Variants in VPS8 observed in about 807,000 individuals in gnomAD.
The protein encoded by VPS8 is vacuolar protein sorting-associated protein 8 homolog.
A neutral mutation model predicts 216.4 loss-of-function variants in VPS8; 129 were observed. The observed-to-expected ratio is 0.60, with a 90% CI of 0.52 to 0.69. The LOEUF (loss-of-function observed/expected upper bound fraction) is 0.69. Ranked by LOEUF, VPS8 falls within the 30% of genes least tolerant of loss-of-function variation. The probability of loss-of-function intolerance (pLI) is 0.00; values close to 1 mark genes in which losing one functional copy is unlikely to be tolerated. For missense variants in VPS8, 1,531 were observed against 1,683.5 expected (o/e 0.91, Z 1.59); for synonymous variants, 571 against 565.4 (o/e 1.01, Z -0.14).
At chr3:184,959,214 A>G (rs1746097216) in intron 37 of VPS8, among the ~76,000 whole-genome samples, 1 of 152,138 alleles carries the variant, frequency 6.6e-6, no homozygotes, top group Non-Finnish European at 1.5e-5. Flanking sequence ...CATCTTGACA[A>G]GGTACCAGGC....
chr3:184,873,965 C>G (rs1289375287), intron 21 of VPS8, among the ~76,000 whole-genome samples: 1 of 152,140 alleles, frequency 6.6e-6, no homozygotes, highest in African/African-American at 2.4e-5. Flanking sequence ...ACGTGACCTT[C>G]AGTGCATTAG....
At position 184,927,398 on chromosome 3, in the gene VPS8, G is replaced by A. The variant is rs76848920; in HGVS notation, c.2631+748G>A. Among the ~76,000 whole-genome samples the A allele has an allele frequency of 1.5e-3, 228 of 152,170 alleles. 8 individuals are homozygous for A. The East Asian group carries it at 0.041, about 27-fold the overall frequency. On this transcript the variant is annotated intron_variant, in intron 31 of 47. Transcript: ENST00000625842. ...GATAGCAACAGTGACCCCTTTATCC[G>A]CACAGCTATGGCCCAGTGACTGCTG...
chr3:184,822,569 A>G (rs1010760981), intron 1 of VPS8, among the ~76,000 whole-genome samples: 2 of 152,236 alleles, frequency 1.3e-5, no homozygotes, highest in African/African-American at 4.8e-5. Context: ...GGTCTTTCCC[A>G]CTATTTTTGA....
intron 24 of VPS8, among the ~76,000 whole-genome samples, chr3:184,900,197 A>G (rs890715500): frequency 1.3e-5 from 2 of 152,212 alleles, no homozygotes; most frequent in Admixed American, 1.3e-4. Context: ...AGGTACAGGG[A>G]AAGGATTGAA....
chr3:184,990,290 C>T (rs1751714524), intron 42 of VPS8, among the ~76,000 whole-genome samples: 1 of 152,090 alleles, frequency 6.6e-6, no homozygotes, highest in Admixed American at 6.5e-5. Context: ...CTCACTGCAG[C>T]CCCAATCACA....
intron 14 of VPS8, among the ~76,000 whole-genome samples, chr3:184,856,493 C>T (rs576275664): frequency 1.3e-5 from 2 of 152,312 alleles, no homozygotes; most frequent in South Asian, 2.1e-4. Flanking sequence ...TAATCTCTTG[C>T]GTTTCCTAGC....
intron 3 of VPS8, among the ~76,000 whole-genome samples, chr3:184,827,714 A>G (rs1002067898): frequency 2.6e-5 from 4 of 152,240 alleles, no homozygotes; most frequent in Non-Finnish European, 4.4e-5. Flanking sequence ...TGTGAGTAAC[A>G]GTAAGTATAG....
chr3:184,931,001 A>G (rs1229302820), intron 34 of VPS8, among the ~76,000 whole-genome samples: 2 of 152,142 alleles, frequency 1.3e-5, no homozygotes, highest in Non-Finnish European at 2.9e-5. Context: ...GTGGTCAGCT[A>G]ATTCACTGAT....
rs1174029707 is a variant in VPS8, at chr3:184,983,113, A to G, written c.3585+19A>G. ...CTTACAGGTGAGTTAAAAGGGGTGA[A>G]TATTAAATATTGATTTCAACTAACA... On this transcript the variant is annotated intron_variant, in intron 42 of 47. Transcript: ENST00000625842. 5 of 1,555,522 alleles carry G rather than the reference A, an allele frequency of 3.2e-6. No individual in the cohort carries two copies. In the South Asian group the frequency reaches 4.9e-5, roughly 15 times the overall value.
At chr3:185,036,739 T>C (rs1419110886) in intron 46 of VPS8, among the ~76,000 whole-genome samples, 1 of 151,952 alleles carries the variant, frequency 6.6e-6, no homozygotes, top group Non-Finnish European at 1.5e-5. Flanking sequence ...CCACAAAATA[T>C]ATTTAGTACC....
intron 42 of VPS8, 86 bp downstream of exon 42, chr3:184,983,180 A>C (rs762348374): frequency 2.2e-5 from 27 of 1,200,290 alleles, no homozygotes; most frequent in Non-Finnish European, 3.0e-5. Flanking sequence ...GCTAATATTT[A>C]AATGGATCTC....
rs755074495 is a variant in VPS8 at position 184,849,299 on chromosome 3, A to G, written c.666+104A>G. 1.1e-5 allele frequency: 15 copies of G among 1,342,766 alleles called. No individual in the cohort carries two copies. The East Asian group carries it at 1.8e-4, about 16-fold the overall frequency. 83.2% of individuals were successfully genotyped at this position (1,342,766 alleles called of 1,614,324 possible). ...AGACCAAAATACGTGTTATGAAGTAATATGTTTGTAGAGCTAACCAGAGAT... is the reference window on the plus strand; with the variant it reads ...AGACCAAAATACGTGTTATGAAGTAGTATGTTTGTAGAGCTAACCAGAGAT... On this transcript the variant is annotated intron_variant, in intron 9 of 47. Coordinates refer to ENST00000625842, the MANE Select transcript of VPS8 (RefSeq NM_001009921.3).
At chr3:184,860,484 C>T (rs2108723737) in intron 15 of VPS8, among the ~76,000 whole-genome samples, 1 of 151,638 alleles carries the variant, frequency 6.6e-6, no homozygotes, top group South Asian at 2.1e-4. Context: ...CACACACACA[C>T]ACACACACAC....
chr3:184,942,160 C>CA (rs372246034), intron 36 of VPS8, among the ~76,000 whole-genome samples: 130 of 150,232 alleles, frequency 8.7e-4, no homozygotes, highest in African/African-American at 2.6e-3. Flanking sequence ...ATAAATATTA[C>CA]AAAAAAAAAG....
chr3:185,051,104 C>A (rs1714130226), intron 47 of VPS8, among the ~76,000 whole-genome samples: 1 of 152,152 alleles, frequency 6.6e-6, no homozygotes, highest in South Asian at 2.1e-4. Flanking sequence ...CTGCCAGCTC[C>A]CTACTTTCGC....
chr3:184,982,963 A>C, intron 41 of VPS8, 49 bp from the exon 42 acceptor site: 1 of 1,477,198 alleles, frequency 6.8e-7, no homozygotes, highest in Non-Finnish European at 9.1e-7. Context: ...GGAAAAACTG[A>C]AAACTCTTAT....
intron 37 of VPS8, among the ~76,000 whole-genome samples, chr3:184,958,266 A>C (rs1326313021): frequency 6.6e-6 from 1 of 152,202 alleles, no homozygotes; most frequent in Admixed American, 6.5e-5. Flanking sequence ...CTTGGTTGTG[A>C]AAATGGGTCA....
chr3:185,027,300 C>T (rs1321998900), intron 46 of VPS8, among the ~76,000 whole-genome samples: 4 of 139,656 alleles, frequency 2.9e-5, no homozygotes, highest in Admixed American at 7.7e-5. Flanking sequence ...TAGAGTGCAG[C>T]GGCACGATCT....
At chr3:184,879,127 C>T (rs1729819908) in intron 21 of VPS8, among the ~76,000 whole-genome samples, 1 of 152,196 alleles carries the variant, frequency 6.6e-6, no homozygotes, top group South Asian at 2.1e-4. Context: ...TATGTCTTCA[C>T]TTCACAGATG....
Sources: allele counts gnomAD v4.1 joint callset (sites outside exome capture counted in the v4.1 genomes callset), GRCh38; gene constraint gnomAD v4.1.1; transcripts MANE v1.5; gene names NCBI Gene and HGNC (gene_info 2026-07-23, HGNC 2026-07-21).